The following DIPK1A variants were observed in gnomAD, a reference collection of about 807,000 sequenced individuals.
DIPK1A encodes divergent protein kinase domain 1A, also known as family with sequence similarity 69 member A.
In DIPK1A, 27 loss-of-function variants were observed where a neutral mutation model predicts 40.8. The ratio of observed to expected loss-of-function variants is 0.66; its 90% CI spans 0.49 to 0.91. The LOEUF (loss-of-function observed/expected upper bound fraction) is 0.91, where lower values mean the gene tolerates loss of function less well. DIPK1A is among the 40% of genes least tolerant of loss of function. The pLI is 0.00. For synonymous variants in DIPK1A, 166 were observed against 171.3 expected, an observed-to-expected ratio of 0.97 and a Z score of 0.24; for missense variants, 412 against 505.7, an observed-to-expected ratio of 0.81 and a Z score of 1.78.
intron 1 of DIPK1A, among the ~76,000 whole-genome samples, chr1:92,878,712 C>T (rs941986337): frequency 2.6e-5 from 4 of 151,984 alleles, no homozygotes; most frequent in Non-Finnish European, 5.9e-5. Flanking sequence ...CCCAGCTACT[C>T]GGGAGTCTGA....
At chr1:92,893,853 C>T (rs1233704566) in intron 1 of DIPK1A, among the ~76,000 whole-genome samples, 1 of 151,760 alleles carries the variant, frequency 6.6e-6, no homozygotes, top group Non-Finnish European at 1.5e-5. Context: ...GGTTGCAATC[C>T]TAGTCTCTGA....
downstream of DIPK1A, chr1:92,837,921 C>G (rs143761019): frequency 5.8e-4 from 242 of 417,976 alleles, 2 homozygotes; most frequent in South Asian, 4.1e-3. Context: ...TAATAAACTT[C>G]ACTTATTTTG....
chr1:92,918,213 G>T (rs1456847336), intron 1 of DIPK1A, among the ~76,000 whole-genome samples: 1 of 152,000 alleles, frequency 6.6e-6, no homozygotes, highest in African/African-American at 2.4e-5. Context: ...GCAATGGCGT[G>T]ATTTCAGCTC....
chr1:92,949,222 A>G (rs1489642757), intron 1 of DIPK1A, among the ~76,000 whole-genome samples: 1 of 152,132 alleles, frequency 6.6e-6, no homozygotes, highest in Non-Finnish European at 1.5e-5. Context: ...GAACTTAAAA[A>G]ACTTAATAAA....
In DIPK1A at chr1:92,947,196, G is replaced by A. The variant is rs185030527; in HGVS notation, c.54+14180C>T. 1.0e-3 allele frequency among the ~76,000 whole-genome samples: 155 copies of A among 152,108 alleles called. 2 individuals carry two copies. Among genetic ancestry groups the A allele is most frequent in the African/African-American group, 3.6e-3 (151 of 41,504 alleles). ...TTTTGAATGCATTTTTCAAGGCGGG[G>A]AAATACTTATAATAATACATCAAAA... On this transcript the variant is annotated intron_variant, in intron 1 of 4. Coordinates refer to ENST00000370310, the MANE Select transcript of DIPK1A (RefSeq NM_001006605.5).
chr1:92,953,102 C>G (rs552478451), intron 1 of DIPK1A, among the ~76,000 whole-genome samples: 1 of 152,084 alleles, frequency 6.6e-6, no homozygotes, highest in African/African-American at 2.4e-5. Context: ...AACAACAAAT[C>G]AAGAAGGAAC....
intron 1 of DIPK1A, among the ~76,000 whole-genome samples, chr1:92,892,077 G>T (rs986697731): frequency 1.4e-4 from 21 of 152,086 alleles, no homozygotes; most frequent in Admixed American, 1.4e-3. Context: ...CTCCACTTCT[G>T]GGGGCAGGGC....
chr1:92,865,453 G>C (rs1354992481), intron 2 of DIPK1A, among the ~76,000 whole-genome samples: 2 of 152,094 alleles, frequency 1.3e-5, no homozygotes, highest in Non-Finnish European at 2.9e-5. Context: ...AAAAAAAATG[G>C]ATTTTTCCAA....
intron 2 of DIPK1A, among the ~76,000 whole-genome samples, 193 bp from the exon 3 acceptor site, chr1:92,851,148 G>T (rs1441239679): frequency 6.6e-6 from 1 of 152,026 alleles, no homozygotes; most frequent in Non-Finnish European, 1.5e-5. Context: ...TTGCTGCTGG[G>T]GTGTGCGTAG....
intron 2 of DIPK1A, among the ~76,000 whole-genome samples, chr1:92,868,965 T>TA (rs33962424): frequency 1.5e-4 from 21 of 136,676 alleles, no homozygotes; most frequent in South Asian, 7.1e-4. Flanking sequence ...GACTCAATCT[T>TA]AAAAAAAAAA....
At chr1:92,876,609 G>A (rs912972911) in intron 1 of DIPK1A, 179 bp from the exon 2 acceptor site, 1 of 615,372 alleles carries the variant, frequency 1.6e-6, no homozygotes, top group Non-Finnish European at 2.7e-6. Flanking sequence ...CTTAGAAAAG[G>A]AAGCTCCTTG....
Position 92,961,344 on chromosome 1 carries a change from C to A in DIPK1A, c.54+32G>T, listed in dbSNP as rs770453890. 4 of 1,481,780 alleles carry A rather than the reference C, an allele frequency of 2.7e-6. No individual in the cohort carries two copies. In the South Asian group the frequency reaches 3.7e-5, roughly 14 times the overall value. The allele number at this position is 1,481,780 out of a possible 1,614,324, so 91.8% of individuals were successfully genotyped here. On this transcript the variant is annotated intron_variant, in intron 1 of 4. Transcript: ENST00000370310. ...GGCAGGGCACACGGCCGGGTGCTCCCGCAGCTGGTGGCTGGGCGGCCGCCG... is the reference window on the plus strand; with the variant it reads ...GGCAGGGCACACGGCCGGGTGCTCCAGCAGCTGGTGGCTGGGCGGCCGCCG...
At chr1:92,907,584 T>G (rs997518440) in intron 1 of DIPK1A, among the ~76,000 whole-genome samples, 17 of 152,018 alleles carry the variant, frequency 1.1e-4, no homozygotes, top group African/African-American at 3.4e-4. Context: ...AGACTACAGG[T>G]GTACCCCGCT....
intron 1 of DIPK1A, among the ~76,000 whole-genome samples, chr1:92,937,813 G>A (rs1651002809): frequency 6.8e-6 from 1 of 146,310 alleles, no homozygotes. Context: ...GAAAAGTTAA[G>A]GACTACTTTT....
At chr1:92,954,193 T>C (rs1358857895) in intron 1 of DIPK1A, among the ~76,000 whole-genome samples, 1 of 151,940 alleles carries the variant, frequency 6.6e-6, no homozygotes, top group Non-Finnish European at 1.5e-5. Context: ...CCAGACATAG[T>C]AGCTCATACA....
intron 1 of DIPK1A, among the ~76,000 whole-genome samples, chr1:92,923,214 C>T (rs571877400): frequency 1.3e-5 from 2 of 152,222 alleles, no homozygotes; most frequent in Non-Finnish European, 2.9e-5. Flanking sequence ...TCTCGGCTCA[C>T]TGCAACCTCT....
At chr1:92,892,561 C>T (rs1319880471) in intron 1 of DIPK1A, among the ~76,000 whole-genome samples, 2 of 152,026 alleles carry the variant, frequency 1.3e-5, no homozygotes, top group Non-Finnish European at 2.9e-5. Context: ...AAAAACAGAG[C>T]AGAAAAACTG....
chr1:92,856,520 C>T (rs753280806), intron 2 of DIPK1A, among the ~76,000 whole-genome samples: 6 of 152,172 alleles, frequency 3.9e-5, no homozygotes, highest in Non-Finnish European at 5.9e-5. Context: ...TGGGATCAAG[C>T]GATTCTCCTG....
At chr1:92,864,754 A>G (rs1034720611) in intron 2 of DIPK1A, among the ~76,000 whole-genome samples, 6 of 151,952 alleles carry the variant, frequency 3.9e-5, no homozygotes, top group African/African-American at 1.4e-4. Context: ...AAATGATATA[A>G]CAAGGCCGGG....
Sources: gnomAD v4.1 joint callset for allele counts (sites outside exome capture counted in the v4.1 genomes callset) on GRCh38, gnomAD v4.1.1 for gene constraint, MANE v1.5 for transcripts, NCBI Gene and HGNC (gene_info 2026-07-23, HGNC 2026-07-21) for gene names.